ALK: variants seen among roughly 807,000 people sequenced by gnomAD.
ALK encodes ALK receptor tyrosine kinase, also known as ALK tyrosine kinase receptor.
Under a neutral mutation model 163.1 loss-of-function variants are expected in ALK, and 74 were observed. The ratio of observed to expected loss-of-function variants is 0.45; its 90% confidence interval spans 0.38 to 0.55. ALK has a LOEUF of 0.55. Ranked by LOEUF, ALK falls within the 20% of genes least tolerant of loss-of-function variation. ALK has a pLI of 0.00. For synonymous variants in ALK, 960 were observed against 843.2 expected (o/e 1.14, Z -2.40); for missense variants, 2,063 against 2,105.3 (o/e 0.98, Z 0.39).
intron 5 of ALK, among the ~76,000 whole-genome samples, chr2:29,381,767 C>G (rs187026193): frequency 2.1e-3 from 323 of 152,332 alleles, no homozygotes; most frequent in Non-Finnish European, 3.5e-3. Flanking sequence ...AGACATTTGC[C>G]TACATCGAAT....
At chr2:29,252,738 A>C (rs1004648466) in intron 11 of ALK, among the ~76,000 whole-genome samples, 1 of 151,708 alleles carries the variant, frequency 6.6e-6, no homozygotes, top group East Asian at 1.9e-4. Flanking sequence ...GTTTATTTCT[A>C]TTTGGTTTCA....
chr2:29,872,532 G>A (rs1666604779), intron 1 of ALK, among the ~76,000 whole-genome samples: 1 of 152,228 alleles, frequency 6.6e-6, no homozygotes. Context: ...TCACCTGGCA[G>A]GACAGTATAC....
intron 5 of ALK, among the ~76,000 whole-genome samples, chr2:29,365,395 T>G (rs56861485): frequency 0.51 from 77,331 of 151,962 alleles, 20,586 homozygotes; most frequent in East Asian, 0.84. Context: ...CTCTGGCCCA[T>G]TCAGAGGACA....
rs1234027838 is a variant in ALK, at chr2:29,920,802, G to A, written c.-143C>T. The A allele has an allele frequency of 2.7e-6, 2 of 738,378 alleles. No homozygotes were observed. Among genetic ancestry groups the A allele is most frequent in the Non-Finnish European group, 4.4e-6 (2 of 458,530 alleles). The allele number at this position is 738,378 out of a possible 1,614,324, so 45.7% of individuals were successfully genotyped here. On this transcript the variant is annotated 5_prime_UTR_variant, in exon 1 of 29. Transcript: ENST00000389048. ...TCCAGAGGACTGTGCGTGCGCGCAAGTCTCTTGCTTTCCCCCAACTGCACG... is the reference window on the plus strand; with the variant it reads ...TCCAGAGGACTGTGCGTGCGCGCAAATCTCTTGCTTTCCCCCAACTGCACG...
intron 4 of ALK, among the ~76,000 whole-genome samples, chr2:29,530,591 G>A (rs954939695): frequency 6.6e-6 from 1 of 152,210 alleles, no homozygotes; most frequent in African/African-American, 2.4e-5. Flanking sequence ...CTCAGAATAT[G>A]AGGCTGGGCA....
intron 22 of ALK, 74 bp from the exon 23 acceptor site, chr2:29,220,909 G>T (rs2148166930): frequency 6.3e-7 from 1 of 1,595,642 alleles, no homozygotes; most frequent in Non-Finnish European, 8.6e-7. Context: ...GGAGGAACAG[G>T]ATACAAAGTT....
Position 29,220,813 on chromosome 2 carries a change from C to G in ALK, c.3538G>C (p.Val1180Leu), listed in dbSNP as rs2148166660. 1 of 1,614,138 alleles carries G rather than the reference C, an allele frequency of 6.2e-7. No individual in the cohort carries two copies. The highest frequency in any genetic ancestry group is 8.5e-7 in the Non-Finnish European group (1 of 1,179,986). ...IISKFNHQNI[V>L]RCIGVSLQSL... ...TGCAGGCTCACCCCAATGCAGCGAA[C>G]AATGTTCTGGTGGTTGAATTTGCTG... is the stretch of plus-strand genomic sequence containing the variant. Residue 1180 changes from valine (V) to leucine (L), a missense_variant, in exon 23 of 29, where the codon GTT becomes CTT. Physicochemically the swap from Val to Leu is conservative, Grantham distance 32. Around this residue, in one of 5 missense-constraint regions of ALK, gnomAD observed 575 missense variants for 626.6 expected, o/e 0.92. Transcript: ENST00000389048.
At chr2:29,865,190 A>T (rs1055639913) in intron 1 of ALK, among the ~76,000 whole-genome samples, 2 of 152,202 alleles carry the variant, frequency 1.3e-5, no homozygotes, top group Non-Finnish European at 1.5e-5. Flanking sequence ...TGTGTCCTCC[A>T]TGGGACTGCT....
At chr2:29,277,853 A>T (rs1665587176) in intron 9 of ALK, among the ~76,000 whole-genome samples, 1 of 152,218 alleles carries the variant, frequency 6.6e-6, no homozygotes, top group African/African-American at 2.4e-5. Flanking sequence ...TCTCATTCCA[A>T]CCTTGATACA....
At chr2:29,503,605 G>A (rs1672242644) in intron 4 of ALK, among the ~76,000 whole-genome samples, 1 of 152,172 alleles carries the variant, frequency 6.6e-6, no homozygotes, top group South Asian at 2.1e-4. Flanking sequence ...ATGCTTTAGA[G>A]AGGAGGTAAC....
At chr2:29,505,479 T>A (rs761633743) in intron 4 of ALK, among the ~76,000 whole-genome samples, 2 of 152,050 alleles carry the variant, frequency 1.3e-5, no homozygotes, top group Admixed American at 1.3e-4. Context: ...GTCCTGAATA[T>A]CTCCTTCTGC....
At chr2:29,325,312 A>G (rs950287245) in intron 6 of ALK, among the ~76,000 whole-genome samples, 4 of 152,128 alleles carry the variant, frequency 2.6e-5, no homozygotes, top group Admixed American at 2.6e-4. Context: ...GTATTTTCCT[A>G]TGATGTTGGT....
intron 4 of ALK, among the ~76,000 whole-genome samples, chr2:29,521,064 C>T (rs761153286): frequency 2.0e-5 from 3 of 152,172 alleles, no homozygotes. Context: ...GGTTCTCCTT[C>T]ACACTCCTTT....
At chr2:29,335,811 A>G (rs964431907) in intron 5 of ALK, among the ~76,000 whole-genome samples, 2 of 152,094 alleles carry the variant, frequency 1.3e-5, no homozygotes, top group African/African-American at 4.8e-5. Context: ...GGGCTGAGGT[A>G]GGTGGATTGC....
At chr2:29,617,674 T>C (rs1675889582) in intron 3 of ALK, among the ~76,000 whole-genome samples, 1 of 152,208 alleles carries the variant, frequency 6.6e-6, no homozygotes, top group African/African-American at 2.4e-5. Context: ...CCCACTCATC[T>C]GCTTCATAGC....
chr2:29,863,290 C>G (rs560074450), intron 1 of ALK, among the ~76,000 whole-genome samples: 32 of 152,250 alleles, frequency 2.1e-4, no homozygotes, highest in African/African-American at 7.5e-4. Context: ...AAAAGTTAAG[C>G]TGCTTCTACA....
intron 11 of ALK, among the ~76,000 whole-genome samples, chr2:29,259,143 T>G (rs1249926091): frequency 3.3e-5 from 5 of 152,190 alleles, no homozygotes; most frequent in Non-Finnish European, 7.4e-5. Context: ...GAAACACATG[T>G]GATAGTTGAA....
intron 4 of ALK, among the ~76,000 whole-genome samples, chr2:29,447,158 T>G (rs1670705304): frequency 6.6e-6 from 1 of 152,028 alleles, no homozygotes; most frequent in Non-Finnish European, 1.5e-5. Context: ...CATTTTGAAT[T>G]AAGTCCAGAT....
intron 3 of ALK, among the ~76,000 whole-genome samples, chr2:29,633,387 A>G (rs1021106037): frequency 1.3e-5 from 2 of 152,166 alleles, no homozygotes; most frequent in Admixed American, 1.3e-4. Context: ...ACATTGAACT[A>G]GATTAAAATC....
Sources: allele counts gnomAD v4.1 joint callset (sites outside exome capture counted in the v4.1 genomes callset), GRCh38; gene constraint gnomAD v4.1.1; regional missense constraint gnomAD v4.1.1; transcripts MANE v1.5; gene names NCBI Gene and HGNC (gene_info 2026-07-23, HGNC 2026-07-21).